STK25: variants seen among roughly 807,000 people sequenced by gnomAD.
STK25 encodes the protein serine/threonine-protein kinase 25.
In STK25, 29 loss-of-function variants were observed where a neutral mutation model predicts 53.8. That is an observed-to-expected ratio of 0.54 (90% CI 0.40 to 0.74). The LOEUF (loss-of-function observed/expected upper bound fraction) is 0.74, where lower values mean the gene tolerates loss of function less well. STK25 is among the 30% of genes least tolerant of loss of function. STK25 has a pLI of 0.00. For synonymous variants in STK25, 247 were observed against 238.3 expected, an observed-to-expected ratio of 1.04 and a Z score of -0.33; for missense variants, 420 against 568.0, an observed-to-expected ratio of 0.74 and a Z score of 2.65.
chr2:241,506,142 A>G (rs2065811016), intron 2 of STK25, among the ~76,000 whole-genome samples: 1 of 152,260 alleles, frequency 6.6e-6, no homozygotes, highest in Admixed American at 6.5e-5. Context: ...AGGCAGGAGC[A>G]CAGGCTATGG....
intron 2 of STK25, among the ~76,000 whole-genome samples, chr2:241,503,676 G>A (rs11684339): frequency 0.41 from 57,227 of 139,690 alleles, 11,586 homozygotes; most frequent in Admixed American, 0.56. Context: ...CAGCCTGGGC[G>A]ACAGAGCAAG....
chr2:241,499,387 C>T lies in STK25; in HGVS notation c.455G>A (p.Gly152Asp), dbSNP rs904250492. ...CCCAAAGTCCGCCAGCTTCACGTCA[C>T]CCTGCTCCGAGAGTAGCACGTTGGC... is the stretch of plus-strand genomic sequence containing the variant. Reference protein sequence around the residue: ...KAANVLLSEQGDVKLADFGVA... With the variant: ...KAANVLLSEQDDVKLADFGVA... The change falls in exon 6 of 12, where the codon GGT (glycine) becomes GAT (aspartate). Residue 152 changes from glycine (G) to aspartate (D), a missense_variant. Transcript: ENST00000316586. 6.2e-7 allele frequency: 1 copy of T among 1,613,942 alleles called. No homozygotes were observed. The highest frequency in any genetic ancestry group is 1.7e-5 in the Admixed American group (1 of 60,004).
In STK25 at chr2:241,501,034, C is replaced by G. The variant is rs181082410; in HGVS notation, c.262-238G>C. ...ACAGCAGTGGCTGACTCCACTTCAC[C>G]AAGACCCCATCAAAAACCAGGCTGC... On this transcript the variant is annotated intron_variant, in intron 3 of 11. Coordinates refer to ENST00000316586, the MANE Select transcript of STK25 (RefSeq NM_001271977.2). This position sits in a 1 kb window ranked among gnomAD's most constrained non-coding sequence, Gnocchi z 5.3. The G allele has an allele frequency of 4.9e-4, 286 of 587,454 alleles. No homozygotes were observed. Among genetic ancestry groups the G allele is most frequent in the Admixed American group, 2.7e-3 (90 of 32,924 alleles). 36.4% of individuals were successfully genotyped at this position (587,454 alleles called of 1,614,324 possible). A position where few individuals can be genotyped will look rare whatever the true frequency, so the allele number is the denominator to read the frequency against.
Position 241,494,010 on chromosome 2 carries a change from G to A in STK25, c.*1652C>T. 2 of 1,388,578 alleles carry A rather than the reference G, an allele frequency of 1.4e-6. No individual in the cohort carries two copies. Among genetic ancestry groups the A allele is most frequent in the Non-Finnish European group, 1.9e-6 (2 of 1,067,258 alleles). The allele number at this position is 1,388,578 out of a possible 1,614,324, so 86.0% of individuals were successfully genotyped here. On this transcript the variant is annotated 3_prime_UTR_variant, in exon 12 of 12. Coordinates refer to ENST00000316586, the MANE Select transcript of STK25 (RefSeq NM_001271977.2). The surrounding 1 kb of genome is among the most constrained non-coding windows in gnomAD (Gnocchi z 4.9). Reference sequence around the variant, plus strand: ...CTGATGGCCGCCCTCTCCTCCAGGTGGATGGAGGTGATCCAGGGGGCCAGC... The same window carrying A: ...CTGATGGCCGCCCTCTCCTCCAGGTAGATGGAGGTGATCCAGGGGGCCAGC...
At position 241,493,852 on chromosome 2, in the gene STK25, C is replaced by T; in HGVS notation, c.*1810G>A. The stretch of plus-strand genomic sequence containing the variant: ...CCTCAAGTGATCCATCTGCCTCAGC[C>T]TCCCAAAGTGCTGGGATTATAGGCA... On this transcript the variant is annotated 3_prime_UTR_variant, in exon 12 of 12. Coordinates refer to ENST00000316586, the MANE Select transcript of STK25 (RefSeq NM_001271977.2). The T allele has an allele frequency of 3.6e-6, 2 of 551,010 alleles. No individual in the cohort carries two copies. Among genetic ancestry groups the T allele is most frequent in the Non-Finnish European group, 6.5e-6 (2 of 308,140 alleles). The allele number at this position is 551,010 out of a possible 1,614,324, so 34.1% of individuals were successfully genotyped here.
chr2:241,493,256 C>G lies in STK25; in HGVS notation c.*2406G>C. The stretch of plus-strand genomic sequence containing the variant: ...GGAATGGGCATTCCCTGTGGCAACC[C>G]AGCCCCTGGAACCCGTGTCCCTATG... On this transcript the variant is annotated 3_prime_UTR_variant, in exon 12 of 12. Coordinates refer to ENST00000316586, the MANE Select transcript of STK25 (RefSeq NM_001271977.2). 1.2e-6 allele frequency: 2 copies of G among 1,605,988 alleles called. No homozygotes were observed. The highest frequency in any genetic ancestry group is 1.7e-6 in the Non-Finnish European group (2 of 1,174,592).
At chr2:241,507,138 C>A (rs984179381) in intron 2 of STK25, among the ~76,000 whole-genome samples, 2 of 152,200 alleles carry the variant, frequency 1.3e-5, no homozygotes, top group African/African-American at 4.8e-5. Context: ...TTAGGTAGAG[C>A]CAAGGCATCA....
rs758811845 is a variant in STK25 at position 241,507,960 on chromosome 2, C to T, written c.30+46G>A. ...CTGAACCCCCAGGAGACTCTGGAGC[C>T]CCTCGGTGAGAGGCCGCTAGTCTTC... is the stretch of plus-strand genomic sequence containing the variant. On this transcript the variant is annotated intron_variant, in intron 2 of 11. Coordinates refer to ENST00000316586, the MANE Select transcript of STK25 (RefSeq NM_001271977.2). 23 of 1,531,192 alleles carry T rather than the reference C, an allele frequency of 1.5e-5. No individual in the cohort carries two copies. The Admixed American group carries it at 2.7e-4, about 18-fold the overall frequency. The allele number at this position is 1,531,192 out of a possible 1,614,324, so 94.9% of individuals were successfully genotyped here. A position where few individuals can be genotyped will look rare whatever the true frequency, so the allele number is the denominator to read the frequency against.
At position 241,493,146 on chromosome 2, in the gene STK25, C is replaced by A; in HGVS notation, c.*2516G>T. ...TGGTTCTGCCCTCCCATGCTTTGCC[C>A]ACACACCCTGTGCTGTGTGAACAGG... On this transcript the variant is annotated 3_prime_UTR_variant, in exon 12 of 12. Coordinates refer to ENST00000316586, the MANE Select transcript of STK25 (RefSeq NM_001271977.2). The A allele has an allele frequency of 8.6e-7, 1 of 1,163,620 alleles. No homozygotes were observed. Among genetic ancestry groups the A allele is most frequent in the Non-Finnish European group, 1.3e-6 (1 of 784,186 alleles). 72.1% of individuals were successfully genotyped at this position (1,163,620 alleles called of 1,614,324 possible).
upstream of STK25, chr2:241,509,115 GC>G (rs1275248301): frequency 6.6e-6 from 1 of 152,372 alleles, no homozygotes; most frequent in African/African-American, 2.4e-5. Context: ...CTGAGACCCC[GC>G]CCGGGATCAC....
At chr2:241,499,231 C>T (rs1574944687) in intron 6 of STK25, 26 bp downstream of exon 6, 4 of 1,613,764 alleles carry the variant, frequency 2.5e-6, no homozygotes, top group Non-Finnish European at 3.4e-6. Context: ...GCATGGTGCC[C>T]GCACCTGCCC....
rs1449259068 is a variant in STK25, at chr2:241,493,027, A to AACTC, written c.*2631_*2634dup. On this transcript the variant is annotated 3_prime_UTR_variant, in exon 12 of 12. Coordinates refer to ENST00000316586, the MANE Select transcript of STK25 (RefSeq NM_001271977.2). ...CCAACTTCTGTTTGTTCTTCTACAA[A>AACTC]ACTCATCAGGTACTGGAGTTTCACT... The AACTC allele has an allele frequency of 1.9e-6, 3 of 1,582,532 alleles. No homozygotes were observed. The highest frequency in any genetic ancestry group is 1.1e-5 in the South Asian group (1 of 90,434).
intron 1 of STK25, 136 bp from the exon 2 acceptor site, chr2:241,508,271 C>A: frequency 7.8e-7 from 1 of 1,287,834 alleles, no homozygotes; most frequent in Non-Finnish European, 9.8e-7. Context: ...CCGGGCCTAA[C>A]GCCCAGGCTC....
chr2:241,501,904 A>T lies in STK25; in HGVS notation c.31-196T>A, dbSNP rs2065535444. The T allele has an allele frequency of 1.8e-6, 1 of 550,382 alleles. No homozygotes were observed. The highest frequency in any genetic ancestry group is 1.9e-5 in the African/African-American group (1 of 52,682). The allele number at this position is 550,382 out of a possible 1,614,324, so 34.1% of individuals were successfully genotyped here. A position where few individuals can be genotyped will look rare whatever the true frequency, so the allele number is the denominator to read the frequency against. Reference sequence around the variant, plus strand: ...TAAACTTGGCCGGGCGTGGTGGCTCACGCCTGTAATTCTAGCACTTTGGGA... The same window carrying T: ...TAAACTTGGCCGGGCGTGGTGGCTCTCGCCTGTAATTCTAGCACTTTGGGA... On this transcript the variant is annotated intron_variant, in intron 2 of 11. Coordinates refer to ENST00000316586, the MANE Select transcript of STK25 (RefSeq NM_001271977.2). The surrounding 1 kb of genome is among the most constrained non-coding windows in gnomAD (Gnocchi z 5.3).
chr2:241,495,305 G>A lies in STK25; in HGVS notation c.*357C>T, dbSNP rs867421215. On this transcript the variant is annotated 3_prime_UTR_variant, in exon 12 of 12. Coordinates refer to ENST00000316586, the MANE Select transcript of STK25 (RefSeq NM_001271977.2). ...TGGGAGGAGGAGGCAGAGCTGCCCT[G>A]ATAGTTGCTCTGCGCCTTGGTCTGA... 1.7e-5 allele frequency: 4 copies of A among 239,888 alleles called. No individual in the cohort carries two copies. The highest frequency in any genetic ancestry group is 3.3e-5 in the Non-Finnish European group (4 of 121,270). 14.9% of individuals were successfully genotyped at this position (239,888 alleles called of 1,614,324 possible).
At chr2:241,506,238 C>T (rs2065819958) in intron 2 of STK25, among the ~76,000 whole-genome samples, 1 of 152,232 alleles carries the variant, frequency 6.6e-6, no homozygotes, top group Non-Finnish European at 1.5e-5. Context: ...AAAACCACAG[C>T]CCCTCAGGTT....
Position 241,492,928 on chromosome 2 carries a change from G to C in STK25, c.*2734C>G. The C allele has an allele frequency of 6.3e-7, 1 of 1,594,966 alleles. No homozygotes were observed. Among genetic ancestry groups the C allele is most frequent in the Middle Eastern group, 1.7e-4 (1 of 6,042 alleles). ...CACCTGCATTTTTCCTTTATTGACA[G>C]AACCAGCTTTCAGGATATCTGCTAA... On this transcript the variant is annotated 3_prime_UTR_variant, in exon 12 of 12. Coordinates refer to ENST00000316586, the MANE Select transcript of STK25 (RefSeq NM_001271977.2).
At position 241,508,246 on chromosome 2, in the gene STK25, G is replaced by GGGGCCCCGCCACGCCC. The variant is rs2065977197; in HGVS notation, c.-100-127_-100-112dup. On this transcript the variant is annotated intron_variant, in intron 1 of 11. Transcript: ENST00000316586. Reference sequence around the variant, plus strand: ...GGCCCAGGAGACCCCCCAGGCCGCCGGGGCCCCGCCACGCCCGGGCCTAAC... The same window carrying GGGGCCCCGCCACGCCC: ...GGCCCAGGAGACCCCCCAGGCCGCCGGGGCCCCGCCACGCCCGGGCCCCGCCACGCCCGGGCCTAAC... The GGGGCCCCGCCACGCCC allele has an allele frequency of 5.4e-5, 70 of 1,306,640 alleles. No homozygotes were observed. The South Asian group carries it at 1.4e-3, about 26-fold the overall frequency. The allele number at this position is 1,306,640 out of a possible 1,614,324, so 80.9% of individuals were successfully genotyped here.
rs1458972060 is a variant in STK25 at position 241,492,935 on chromosome 2, C to T, written c.*2727G>A. On this transcript the variant is annotated 3_prime_UTR_variant, in exon 12 of 12. Coordinates refer to ENST00000316586, the MANE Select transcript of STK25 (RefSeq NM_001271977.2). Reference sequence around the variant, plus strand: ...ATTTTTCCTTTATTGACAGAACCAGCTTTCAGGATATCTGCTAAGAAAGTT... The same window carrying T: ...ATTTTTCCTTTATTGACAGAACCAGTTTTCAGGATATCTGCTAAGAAAGTT... 1 of 1,602,988 alleles carries T rather than the reference C, an allele frequency of 6.2e-7. No homozygotes were observed. The highest frequency in any genetic ancestry group is 2.2e-5 in the East Asian group (1 of 44,832).
Sources: gnomAD v4.1 joint callset for allele counts (sites outside exome capture counted in the v4.1 genomes callset) on GRCh38, gnomAD v4.1.1 for gene constraint, Gnocchi (gnomAD v3.1) non-coding constraint, MANE v1.5 for transcripts, NCBI Gene and HGNC (gene_info 2026-07-23, HGNC 2026-07-21) for gene names.